The following ARCN1 variants were observed in gnomAD, a reference collection of about 807,000 sequenced individuals.
The protein encoded by ARCN1 is coatomer subunit delta.
Under a neutral mutation model 60.4 loss-of-function variants are expected in ARCN1, and 5 were observed. The observed-to-expected ratio is 0.08, with a 90% CI of 0.04 to 0.17. ARCN1 has a LOEUF of 0.17. ARCN1 is among the 10% of genes least tolerant of loss of function. The probability of loss-of-function intolerance (pLI) is 1.00; values close to 1 mark genes in which losing one functional copy is unlikely to be tolerated. For synonymous variants in ARCN1, 224 were observed against 220.0 expected, an observed-to-expected ratio of 1.02 and a Z score of -0.16; for missense variants, 464 against 626.5, an observed-to-expected ratio of 0.74 and a Z score of 2.77.
chr11:118,582,755 G>C (rs1938688849), intron 2 of ARCN1, among the ~76,000 whole-genome samples: 1 of 143,532 alleles, frequency 7.0e-6, no homozygotes, highest in South Asian at 2.3e-4. Flanking sequence ...AAATCAGGGA[G>C]TTAGGCTGGG....
In ARCN1 at chr11:118,592,817, A is replaced by G; in HGVS notation, c.1093A>G (p.Arg365Gly). The G allele has an allele frequency of 1.2e-6, 2 of 1,614,184 alleles. No individual in the cohort carries two copies. Among genetic ancestry groups the G allele is most frequent in the Non-Finnish European group, 1.7e-6 (2 of 1,180,008 alleles). Reference sequence around the variant, plus strand: ...CAGTGACGTAGGGGTGCTAAAGTGGAGACTACAAACCACAGAGGAATCTTT... The same window carrying G: ...CAGTGACGTAGGGGTGCTAAAGTGGGGACTACAAACCACAGAGGAATCTTT... The part of the protein sequence containing the change: ...VNSDVGVLKW[R>G]LQTTEESFIP... The change falls in exon 7 of 10, where the codon AGA becomes GGA. Residue 365 changes from arginine to glycine, a missense_variant. Transcript: ENST00000264028.
chr11:118,580,603 A>C (rs1938628926), intron 1 of ARCN1, among the ~76,000 whole-genome samples: 1 of 152,212 alleles, frequency 6.6e-6, no homozygotes, highest in African/African-American at 2.4e-5. Flanking sequence ...AAAATTAGCA[A>C]TAATTTTTAA....
At chr11:118,598,475 G>A (rs1251586951) in intron 9 of ARCN1, among the ~76,000 whole-genome samples, 5 of 150,550 alleles carry the variant, frequency 3.3e-5, no homozygotes, top group Admixed American at 2.0e-4. Flanking sequence ...AGATGTGTGA[G>A]CTGTTCCTTC....
chr11:118,592,530 T>G (rs1555076466), intron 6 of ARCN1, among the ~76,000 whole-genome samples, 179 bp from the exon 7 acceptor site: 1 of 152,234 alleles, frequency 6.6e-6, no homozygotes, highest in African/African-American at 2.4e-5. Flanking sequence ...TTTTTAAGTA[T>G]CTTAAATCAT....
chr11:118,594,564 T>C (rs1378491061), intron 8 of ARCN1, among the ~76,000 whole-genome samples: 4 of 152,232 alleles, frequency 2.6e-5, no homozygotes, highest in African/African-American at 4.8e-5. Context: ...TTTATTTTTA[T>C]TGGAGACTGA....
chr11:118,593,516 G>T, intron 7 of ARCN1, 74 bp from the exon 8 acceptor site: 2 of 1,039,728 alleles, frequency 1.9e-6, no homozygotes, highest in Non-Finnish European at 3.0e-6. Flanking sequence ...AAGCGCTGGG[G>T]TTACAGGCAT....
At chr11:118,590,537 A>G (rs1555076177) in intron 6 of ARCN1, 31 bp downstream of exon 6, 1 of 1,607,496 alleles carries the variant, frequency 6.2e-7, no homozygotes, top group Admixed American at 1.7e-5. Flanking sequence ...GGGAGTATTA[A>G]CACTTTGTCT....
At position 118,584,033 on chromosome 11, in the gene ARCN1, T is replaced by C. The variant is rs782346904; in HGVS notation, c.653+19T>C. The C allele has an allele frequency of 1.9e-6, 3 of 1,610,292 alleles. No individual in the cohort carries two copies. Among genetic ancestry groups the C allele is most frequent in the Middle Eastern group, 1.7e-4 (1 of 6,010 alleles). On this transcript the variant is annotated intron_variant, in intron 4 of 9. Coordinates refer to ENST00000264028, the MANE Select transcript of ARCN1 (RefSeq NM_001655.5). ...CAGCCAGGTATAATCCAGTGTACTT[T>C]AGAATACCAGGTGAAGGGTGTATAT...
intron 9 of ARCN1, among the ~76,000 whole-genome samples, chr11:118,598,856 A>G (rs7931564): frequency 0.17 from 25,114 of 147,826 alleles, 2,655 homozygotes; most frequent in East Asian, 0.54. Context: ...GAGTGCAGTG[A>G]CATGATCTCG....
In ARCN1 at chr11:118,572,414, G is replaced by C. The variant is rs1938361187; in HGVS notation, c.-134G>C. ...AGACGTGGCTTGGGGCCGCCATCTT[G>C]GCAAGAGGCGAAGCGGCAGCGGTTC... On this transcript the variant is annotated 5_prime_UTR_variant, in exon 1 of 10. Transcript: ENST00000264028. 1 of 811,848 alleles carries C rather than the reference G, an allele frequency of 1.2e-6. No individual in the cohort carries two copies. The highest frequency in any genetic ancestry group is 1.8e-6 in the Non-Finnish European group (1 of 568,640). The allele number at this position is 811,848 out of a possible 1,614,324, so 50.3% of individuals were successfully genotyped here. A position where few individuals can be genotyped will look rare whatever the true frequency, so the allele number is the denominator to read the frequency against.
intron 5 of ARCN1, among the ~76,000 whole-genome samples, chr11:118,584,914 C>T (rs1423303455): frequency 1.3e-5 from 2 of 151,510 alleles, no homozygotes; most frequent in African/African-American, 2.4e-5. Context: ...CAAGCTCTCC[C>T]TCCCAGGTTC....
chr11:118,573,750 CT>C (rs1331343023), intron 1 of ARCN1: 7 of 668,232 alleles, frequency 1.0e-5, no homozygotes, highest in Non-Finnish European at 1.9e-5. Context: ...CATGCTTGGA[CT>C]TTAGGCCACT....
chr11:118,584,905 A>G (rs1938743485), intron 5 of ARCN1, among the ~76,000 whole-genome samples: 1 of 150,064 alleles, frequency 6.7e-6, no homozygotes, highest in Non-Finnish European at 1.5e-5. Context: ...GGCTCGCTGC[A>G]AGCTCTCCCT....
chr11:118,593,782 C>G (rs1389762588), intron 8 of ARCN1, 84 bp downstream of exon 8: 3 of 771,178 alleles, frequency 3.9e-6, no homozygotes, highest in Non-Finnish European at 6.4e-6. Flanking sequence ...CCTACCTGAC[C>G]TGACTGTCCA....
chr11:118,592,497 C>CT (rs1233524852), intron 6 of ARCN1, among the ~76,000 whole-genome samples: 60 of 151,600 alleles, frequency 4.0e-4, no homozygotes, highest in Middle Eastern at 3.2e-3. Context: ...TTGAAATTAG[C>CT]TTTTTTTTTA....
chr11:118,581,530 C>T (rs1938649263), intron 2 of ARCN1, 21 bp downstream of exon 2: 3 of 1,573,056 alleles, frequency 1.9e-6, no homozygotes, highest in Non-Finnish European at 2.6e-6. Flanking sequence ...TGCTATAATA[C>T]TGGGTTCCAC....
At chr11:118,598,464 G>A (rs1425207011) in intron 9 of ARCN1, among the ~76,000 whole-genome samples, 1 of 151,602 alleles carries the variant, frequency 6.6e-6, no homozygotes, top group African/African-American at 2.4e-5. Context: ...CAAAGCAATG[G>A]AGATGTGTGA....
rs1032147487 is a variant in ARCN1 at position 118,600,572 on chromosome 11, A to G, written c.1447-53A>G. Reference sequence around the variant, plus strand: ...GTTCTGTAATGAGAATGTAGTCAACATGATGGAGACTCAAACCTCCTGCTT... The same window carrying G: ...GTTCTGTAATGAGAATGTAGTCAACGTGATGGAGACTCAAACCTCCTGCTT... On this transcript the variant is annotated intron_variant, in intron 9 of 9. Transcript: ENST00000264028. 1.6e-5 allele frequency: 20 copies of G among 1,244,316 alleles called. 1 individual carries two copies. Among genetic ancestry groups the G allele is most frequent in the Admixed American group, 2.0e-5 (1 of 51,236 alleles). The allele number at this position is 1,244,316 out of a possible 1,614,324, so 77.1% of individuals were successfully genotyped here. A position where few individuals can be genotyped will look rare whatever the true frequency, so the allele number is the denominator to read the frequency against.
chr11:118,601,452 T>G lies in ARCN1; in HGVS notation c.*738T>G. 1 of 611,576 alleles carries G rather than the reference T, an allele frequency of 1.6e-6. No individual in the cohort carries two copies. Among genetic ancestry groups the G allele is most frequent in the Non-Finnish European group, 2.9e-6 (1 of 346,508 alleles). The allele number at this position is 611,576 out of a possible 1,614,324, so 37.9% of individuals were successfully genotyped here. On this transcript the variant is annotated 3_prime_UTR_variant, in exon 10 of 10. Transcript: ENST00000264028. ...TTAAAAAGTTTTCTCTGTAGAAAAT[T>G]TTAATCATTCATACCCTTTACCTTT...
Sources: allele counts gnomAD v4.1 joint callset (sites outside exome capture counted in the v4.1 genomes callset), GRCh38; gene constraint gnomAD v4.1.1; transcripts MANE v1.5; gene names NCBI Gene and HGNC (gene_info 2026-07-23, HGNC 2026-07-21).